SH3RF3: variants seen among roughly 807,000 people sequenced by gnomAD.
SH3RF3 encodes SH3 domain containing ring finger 3.
A neutral mutation model predicts 66.3 loss-of-function variants in SH3RF3; 29 were observed. The observed-to-expected ratio is 0.44, with a 90% CI of 0.33 to 0.60. The LOEUF is 0.60. Among genes scored for constraint, SH3RF3 ranks in the 20% least tolerant of loss-of-function variants. SH3RF3 has a pLI of 0.04. For synonymous variants in SH3RF3, 583 were observed against 532.0 expected, an observed-to-expected ratio of 1.10 and a Z score of -1.32; for missense variants, 1,194 against 1,190.9, an observed-to-expected ratio of 1.00 and a Z score of -0.04.
chr2:109,292,614 C>G (rs1045949121), intron 1 of SH3RF3, among the ~76,000 whole-genome samples: 1 of 152,188 alleles, frequency 6.6e-6, no homozygotes, highest in Non-Finnish European at 1.5e-5. Flanking sequence ...GGGCATTTTT[C>G]TTTCCTCTTG....
At chr2:109,460,626 C>G (rs1559095765) in intron 8 of SH3RF3, among the ~76,000 whole-genome samples, 1 of 152,218 alleles carries the variant, frequency 6.6e-6, no homozygotes, top group Non-Finnish European at 1.5e-5. Flanking sequence ...TGAGGTCACC[C>G]TTTGGTGAGC....
At chr2:109,416,012 C>T (rs540370634) in intron 4 of SH3RF3, among the ~76,000 whole-genome samples, 2 of 152,284 alleles carry the variant, frequency 1.3e-5, no homozygotes, top group East Asian at 1.9e-4. Flanking sequence ...TCAGCCCCCT[C>T]GTCATGTGAT....
chr2:109,154,544 C>G (rs1302459732), intron 1 of SH3RF3, among the ~76,000 whole-genome samples: 4 of 152,180 alleles, frequency 2.6e-5, no homozygotes, highest in African/African-American at 9.7e-5. Flanking sequence ...ACCAAGGCTC[C>G]CTAAGTTTGA....
At chr2:109,239,200 T>C (rs1164608464) in intron 1 of SH3RF3, among the ~76,000 whole-genome samples, 1 of 152,090 alleles carries the variant, frequency 6.6e-6, no homozygotes, top group Non-Finnish European at 1.5e-5. Flanking sequence ...CCCTGCACAG[T>C]GCTCCGAAAA....
At chr2:109,433,597 A>C (rs996432784) in intron 6 of SH3RF3, among the ~76,000 whole-genome samples, 12 of 152,220 alleles carry the variant, frequency 7.9e-5, no homozygotes, top group African/African-American at 2.9e-4. Context: ...TACAGTGGAA[A>C]TAAATAACCT....
Position 109,455,120 on chromosome 2 carries a change from G to A in SH3RF3, c.2148+5631G>A, listed in dbSNP as rs191024460. ...TCGGCAGTGGAGCTGGCATGGGAAT[G>A]CTGGCCTCCTGCCTCCTGTGTTGGG... On this transcript the variant is annotated intron_variant, in intron 8 of 9. Transcript: ENST00000309415. 3.6e-3 allele frequency among the ~76,000 whole-genome samples: 548 copies of A among 152,320 alleles called. 3 individuals are homozygous for A. Among genetic ancestry groups the A allele is most frequent in the Non-Finnish European group, 5.7e-3 (391 of 68,036 alleles).
intron 1 of SH3RF3, among the ~76,000 whole-genome samples, chr2:109,299,465 A>G (rs1681403700): frequency 6.6e-6 from 1 of 151,822 alleles, no homozygotes; most frequent in South Asian, 2.1e-4. Context: ...GCCAGCCACC[A>G]GGGCCTTTTG....
At position 109,419,538 on chromosome 2, in the gene SH3RF3, G is replaced by A; in HGVS notation, c.1300-1G>A. 1 of 1,591,710 alleles carries A rather than the reference G, an allele frequency of 6.3e-7. No individual in the cohort carries two copies. The highest frequency in any genetic ancestry group is 1.8e-5 in the Admixed American group (1 of 56,734). On this transcript the variant is annotated splice_acceptor_variant, in intron 4 of 9. Coordinates refer to ENST00000309415, the MANE Select transcript of SH3RF3 (RefSeq NM_001099289.3). LOFTEE classifies it high-confidence loss of function. ...TCCTGTCCCCTCTTGTCTGTTTCCA[G>A]GATGTCTCCTCCTCGGCGGGATCTA...
chr2:109,495,861 A>G (rs543276086), intron 9 of SH3RF3, among the ~76,000 whole-genome samples: 1 of 152,306 alleles, frequency 6.6e-6, no homozygotes, highest in Admixed American at 6.5e-5. Flanking sequence ...GTCTGGGTAT[A>G]ATACTTGTAA....
rs115172173 is a variant in SH3RF3 at position 109,294,662 on chromosome 2, C to G, written c.574-53012C>G. ...ATCTGATCATCATAGGCTTGAGCAC[C>G]CTGCTGGGTGATGTGGTGACGGGGC... On this transcript the variant is annotated intron_variant, in intron 1 of 9. Coordinates refer to ENST00000309415, the MANE Select transcript of SH3RF3 (RefSeq NM_001099289.3). Among the ~76,000 whole-genome samples, 955 of 152,170 alleles carry G rather than the reference C, an allele frequency of 6.3e-3. 10 individuals are homozygous for G. The highest frequency in any genetic ancestry group is 0.021 in the African/African-American group (876 of 41,506).
intron 4 of SH3RF3, among the ~76,000 whole-genome samples, chr2:109,399,383 T>C (rs528304694): frequency 6.8e-4 from 103 of 152,326 alleles, no homozygotes; most frequent in African/African-American, 2.4e-3. Context: ...TCAACTACAT[T>C]GTTGAGTACT....
At chr2:109,356,656 A>G (rs1243509333) in intron 2 of SH3RF3, among the ~76,000 whole-genome samples, 1 of 152,144 alleles carries the variant, frequency 6.6e-6, no homozygotes, top group African/African-American at 2.4e-5. Flanking sequence ...CGTGATGAGG[A>G]GCAACCTGAC....
chr2:109,406,855 A>G (rs1378902665), intron 4 of SH3RF3, among the ~76,000 whole-genome samples: 1 of 151,836 alleles, frequency 6.6e-6, no homozygotes, highest in Non-Finnish European at 1.5e-5. Context: ...GGTCGAAGCC[A>G]ATCTTACAGC....
intron 1 of SH3RF3, among the ~76,000 whole-genome samples, chr2:109,192,242 C>CCGTT (rs1374342653): frequency 6.6e-6 from 1 of 152,168 alleles, no homozygotes; most frequent in East Asian, 1.9e-4. Flanking sequence ...AAGCAGGGAA[C>CCGTT]CTGTCCCTGG....
intron 2 of SH3RF3, among the ~76,000 whole-genome samples, chr2:109,356,444 G>A (rs1317300084): frequency 6.6e-6 from 1 of 152,214 alleles, no homozygotes; most frequent in Non-Finnish European, 1.5e-5. Context: ...TAATCTCACA[G>A]TAGCACGACA....
chr2:109,148,851 TA>T (rs1476857328), intron 1 of SH3RF3, among the ~76,000 whole-genome samples: 4 of 139,032 alleles, frequency 2.9e-5, no homozygotes, highest in South Asian at 2.4e-4. Flanking sequence ...TGTTTTTTTT[TA>T]AAAAGTATTT....
chr2:109,348,296 G>A (rs1025694651), intron 2 of SH3RF3, among the ~76,000 whole-genome samples: 1 of 152,200 alleles, frequency 6.6e-6, no homozygotes, highest in African/African-American at 2.4e-5. Flanking sequence ...GCAGAATGAC[G>A]CCTTTCCAGG....
rs547238209 is a variant in SH3RF3 at position 109,412,963 on chromosome 2, C to T, written c.1300-6576C>T. Among the ~76,000 whole-genome samples the T allele has an allele frequency of 5.2e-4, 79 of 152,208 alleles. 1 individual carries two copies. Among genetic ancestry groups the T allele is most frequent in the African/African-American group, 1.9e-3 (78 of 41,548 alleles). ...CCTCCAGGCCTGTCCATGGAGACCA[C>T]GGCACAGGCGGCAGTGGGGCATTCT... is the stretch of plus-strand genomic sequence containing the variant. On this transcript the variant is annotated intron_variant, in intron 4 of 9. Coordinates refer to ENST00000309415, the MANE Select transcript of SH3RF3 (RefSeq NM_001099289.3).
intron 1 of SH3RF3, among the ~76,000 whole-genome samples, chr2:109,266,630 T>C (rs1337836304): frequency 6.6e-6 from 1 of 151,098 alleles, no homozygotes; most frequent in South Asian, 2.1e-4. Context: ...CCCTCAGGGC[T>C]TAGCTCAGCA....
Sources: allele counts gnomAD v4.1 joint callset (sites outside exome capture counted in the v4.1 genomes callset), GRCh38; gene constraint gnomAD v4.1.1; transcripts MANE v1.5; gene names NCBI Gene and HGNC (gene_info 2026-07-23, HGNC 2026-07-21).